TNS1: variants seen among roughly 807,000 people sequenced by gnomAD.
TNS1 encodes the protein tensin-1.
Under a neutral mutation model 168.6 loss-of-function variants are expected in TNS1, and 62 were observed. The ratio of observed to expected loss-of-function variants is 0.37; its 90% CI spans 0.30 to 0.45. The LOEUF (loss-of-function observed/expected upper bound fraction) is 0.45, where lower values mean the gene tolerates loss of function less well. TNS1 is among the 20% of genes least tolerant of loss of function. TNS1 has a pLI of 1.00. For synonymous variants in TNS1, 934 were observed against 933.2 expected, an observed-to-expected ratio of 1.00 and a Z score of -0.02; for missense variants, 2,240 against 2,339.4, an observed-to-expected ratio of 0.96 and a Z score of 0.88.
chr2:217,849,813 G>T (rs1947218209), intron 18 of TNS1: 1 of 985,320 alleles, frequency 1.0e-6, no homozygotes, highest in African/African-American at 1.7e-5. Flanking sequence ...CACGGAAGCA[G>T]GGGGAGAACC....
intron 3 of TNS1, among the ~76,000 whole-genome samples, chr2:217,929,375 G>C (rs1383161906): frequency 6.6e-6 from 1 of 152,188 alleles, no homozygotes. Context: ...GTGCTGATGA[G>C]CAGGGGGGTC....
intron 32 of TNS1, among the ~76,000 whole-genome samples, chr2:217,805,868 A>G (rs1574527334): frequency 7.3e-6 from 1 of 137,302 alleles, no homozygotes; most frequent in Non-Finnish European, 1.6e-5. Context: ...ACACGCAAAC[A>G]CAACATATAC....
chr2:217,805,923 T>G (rs1228881849), intron 32 of TNS1, among the ~76,000 whole-genome samples: 1 of 140,686 alleles, frequency 7.1e-6, no homozygotes, highest in Non-Finnish European at 1.6e-5. Flanking sequence ...ATCCAGCATT[T>G]CCTACAGCTC....
At chr2:218,005,191 C>T (rs1203980080), upstream of TNS1, among the ~76,000 whole-genome samples, 3 of 152,236 alleles carry the variant, frequency 2.0e-5, no homozygotes, top group Admixed American at 6.5e-5. Flanking sequence ...TCACTGAAGA[C>T]GCCTCCAGGC....
intron 1 of TNS1, among the ~76,000 whole-genome samples, chr2:218,017,948 T>A (rs183185939): frequency 4.0e-4 from 61 of 152,278 alleles, no homozygotes; most frequent in African/African-American, 1.4e-3. Flanking sequence ...GTCCAGGGAA[T>A]GAACGCCTGA....
At chr2:217,808,726 C>T in intron 30 of TNS1, 55 bp from the exon 31 acceptor site, 1 of 1,555,912 alleles carries the variant, frequency 6.4e-7, no homozygotes, top group Non-Finnish European at 8.9e-7. Context: ...GCTGCTTTTC[C>T]CCTCCTTCCA....
chr2:217,859,627 G>T (rs1948592355), intron 18 of TNS1: 1 of 1,535,594 alleles, frequency 6.5e-7, no homozygotes, highest in Admixed American at 2.0e-5. Flanking sequence ...TGTGTGTCTG[G>T]CCAGGTATAT....
At chr2:217,805,534 C>A (rs1574522470) in intron 32 of TNS1, among the ~76,000 whole-genome samples, 1 of 28,894 alleles carries the variant, frequency 3.5e-5, no homozygotes, top group Non-Finnish European at 7.7e-5. Context: ...ACCACACACA[C>A]CACACACACC....
At chr2:218,019,210 C>T (rs763365203) in intron 1 of TNS1, among the ~76,000 whole-genome samples, 29 of 152,018 alleles carry the variant, frequency 1.9e-4, no homozygotes, top group African/African-American at 2.7e-4. Context: ...ACCCTATAGA[C>T]GGGGAGTGAG....
At chr2:217,876,251 C>T (rs1242492573) in intron 18 of TNS1, among the ~76,000 whole-genome samples, 3 of 152,122 alleles carry the variant, frequency 2.0e-5, no homozygotes, top group South Asian at 2.1e-4. Flanking sequence ...AGGCTTGCCC[C>T]GGAACACTAT....
chr2:217,828,924 G>C (rs1943996363), intron 22 of TNS1, among the ~76,000 whole-genome samples: 1 of 152,208 alleles, frequency 6.6e-6, no homozygotes, highest in Non-Finnish European at 1.5e-5. Context: ...CTGTAAGATG[G>C]GGGCTCTGCG....
At chr2:217,837,766 G>C (rs1440548083) in intron 19 of TNS1, among the ~76,000 whole-genome samples, 1 of 152,252 alleles carries the variant, frequency 6.6e-6, no homozygotes, top group Non-Finnish European at 1.5e-5. Context: ...CCCACACCTT[G>C]AAGAGCCCTT....
At chr2:217,962,484 C>T (rs1192909950) in intron 3 of TNS1, among the ~76,000 whole-genome samples, 2 of 151,984 alleles carry the variant, frequency 1.3e-5, no homozygotes, top group Non-Finnish European at 2.9e-5. Flanking sequence ...GTCCTACCAA[C>T]ACAAGGAGCT....
At position 217,813,433 on chromosome 2, in the gene TNS1, C is replaced by T. The variant is rs531641994; in HGVS notation, c.4862-126G>A. 71 of 962,118 alleles carry T rather than the reference C, an allele frequency of 7.4e-5. No individual in the cohort carries two copies. Among genetic ancestry groups the T allele is most frequent in the Admixed American group, 2.1e-4 (10 of 46,648 alleles). 59.6% of individuals were successfully genotyped at this position (962,118 alleles called of 1,614,324 possible). On this transcript the variant is annotated intron_variant, in intron 26 of 32. Coordinates refer to ENST00000682258, the MANE Select transcript of TNS1 (RefSeq NM_001387777.1). This position sits in a 1 kb window ranked among gnomAD's most constrained non-coding sequence, Gnocchi z 4.0. ...ATGGGAGAAATGACTGAAGAGAGAA[C>T]GTGGCTGGAGCCCCATGGACTGCAG... is the stretch of plus-strand genomic sequence containing the variant.
chr2:217,866,442 T>C (rs1228784309), intron 18 of TNS1, among the ~76,000 whole-genome samples: 1 of 152,068 alleles, frequency 6.6e-6, no homozygotes, highest in African/African-American at 2.4e-5. Flanking sequence ...GGCTTCAGGC[T>C]CCAAACTTGT....
intron 4 of TNS1, among the ~76,000 whole-genome samples, chr2:217,913,940 C>G (rs1021972838): frequency 2.6e-5 from 4 of 152,142 alleles, no homozygotes; most frequent in African/African-American, 9.7e-5. Context: ...GCCTGGTTCT[C>G]TCTTCCCGCC....
intron 22 of TNS1, chr2:217,830,227 G>T: frequency 8.9e-7 from 1 of 1,127,608 alleles, no homozygotes; most frequent in Non-Finnish European, 1.3e-6. Context: ...GAGTGTGCTG[G>T]CTGGTGAGAG....
intron 1 of TNS1, among the ~76,000 whole-genome samples, chr2:218,022,473 T>C (rs543730365): frequency 6.6e-6 from 1 of 152,160 alleles, no homozygotes; most frequent in African/African-American, 2.4e-5. Context: ...AGCTGGGACG[T>C]GGACACGCAC....
intron 6 of TNS1, among the ~76,000 whole-genome samples, chr2:217,904,044 G>A (rs574687422): frequency 7.9e-5 from 12 of 152,282 alleles, no homozygotes; most frequent in Middle Eastern, 3.4e-3. Context: ...GTCTGTAAGC[G>A]AACACCAGGG....
Sources: allele counts gnomAD v4.1 joint callset (sites outside exome capture counted in the v4.1 genomes callset), GRCh38; gene constraint gnomAD v4.1.1; non-coding constraint Gnocchi (gnomAD v3.1); transcripts MANE v1.5; gene names NCBI Gene and HGNC (gene_info 2026-07-23, HGNC 2026-07-21).